The following SGK1 variants were observed in gnomAD, a reference collection of about 807,000 sequenced individuals.
SGK1 encodes serum/glucocorticoid regulated kinase 1.
In SGK1, 26 loss-of-function variants were observed where a neutral mutation model predicts 64.2. That is an observed-to-expected ratio of 0.40 (90% CI 0.30 to 0.56). The LOEUF is 0.56. SGK1 is among the 20% of genes least tolerant of loss of function. The pLI is 0.38. For missense variants in SGK1, 519 were observed against 645.6 expected, an observed-to-expected ratio of 0.80 and a Z score of 2.12; for synonymous variants, 265 against 239.7, an observed-to-expected ratio of 1.11 and a Z score of -0.98.
At position 134,170,273 on chromosome 6, in the gene SGK1, G is replaced by A. The variant is rs764031935; in HGVS notation, c.1576C>T (p.Leu526Phe). 4.3e-6 allele frequency: 7 copies of A among 1,611,184 alleles called. No individual in the cohort carries two copies. Among genetic ancestry groups the A allele is most frequent in the Non-Finnish European group, 4.2e-6 (5 of 1,177,760 alleles). Residue 526 changes from leucine to phenylalanine, a missense_variant, in exon 14 of 14, where the codon CTC (leucine) becomes TTC (phenylalanine). By Grantham distance (22) the Leu-to-Phe change is conservative. This residue lies in a region of SGK1 where 278 missense variants were observed against 408.7 expected (regional missense o/e 0.68). Transcript: ENST00000367858. ...AAACCAAGCCCTAACAGGGTTCAGA[G>A]GAAAGAGTCCGTGGGAGGCGCATAG... ...FSYAPPTDSF[L>F]
At chr6:134,195,411 G>T (rs769143258) in intron 3 of SGK1, among the ~76,000 whole-genome samples, 1 of 152,144 alleles carries the variant, frequency 6.6e-6, no homozygotes, top group Non-Finnish European at 1.5e-5. Flanking sequence ...CAGAGTGAGG[G>T]GCCTCTCTGT....
In SGK1 at chr6:134,170,373, G is replaced by A; in HGVS notation, c.1476C>T (p.Ser492=). Residue 492 remains serine, a synonymous_variant, in exon 14 of 14, where the codon TCC becomes TCT. Transcript: ENST00000367858. ...GGACGCTGTCAGGGGACTTGCCAAT[G>A]GAGTTGGGGACAGGCTCTTCGGTAA... ...PEFTEEPVPN[S]IGKSPDSVLV... The A allele has an allele frequency of 6.2e-7, 1 of 1,614,168 alleles. No individual in the cohort carries two copies. The highest frequency in any genetic ancestry group is 8.5e-7 in the Non-Finnish European group (1 of 1,179,992).
At chr6:134,174,868 C>T in intron 3 of SGK1, 1 of 1,609,574 alleles carries the variant, frequency 6.2e-7, no homozygotes, top group Admixed American at 1.7e-5. Context: ...GTATGCTGCG[C>T]CAGGCCGCGC....
intron 1 of SGK1, among the ~76,000 whole-genome samples, chr6:134,282,188 T>G (rs1199440650): frequency 6.6e-6 from 1 of 152,116 alleles, no homozygotes; most frequent in African/African-American, 2.4e-5. Flanking sequence ...ATTTATTTAT[T>G]TATTTTGAGA....
intron 2 of SGK1, among the ~76,000 whole-genome samples, chr6:134,238,363 C>A (rs181997953): frequency 1.3e-5 from 2 of 152,102 alleles, no homozygotes; most frequent in Non-Finnish European, 2.9e-5. Flanking sequence ...TTTTAAGAGG[C>A]CTATTAGCAT....
intron 11 of SGK1, 55 bp from the exon 12 acceptor site, chr6:134,171,233 A>G (rs1042795773): frequency 8.0e-6 from 12 of 1,501,670 alleles, no homozygotes; most frequent in African/African-American, 6.9e-5. Flanking sequence ...TATGGCACAC[A>G]TTACCAGTAG....
At chr6:134,240,051 G>T (rs77338016) in intron 2 of SGK1, among the ~76,000 whole-genome samples, 1 of 152,120 alleles carries the variant, frequency 6.6e-6, no homozygotes, top group African/African-American at 2.4e-5. Context: ...CAGCACGTTG[G>T]GGGGCCATGA....
intron 3 of SGK1, among the ~76,000 whole-genome samples, chr6:134,188,220 T>A (rs1197708650): frequency 1.2e-4 from 18 of 146,048 alleles, no homozygotes; most frequent in Non-Finnish European, 2.6e-4. Flanking sequence ...TATCTTTACC[T>A]TTTTTTTTTT....
rs780238373 is a variant in SGK1, at chr6:134,171,658, C to T, written c.1146G>A (p.Leu382=). 4 of 1,613,774 alleles carry T rather than the reference C, an allele frequency of 2.5e-6. No individual in the cohort carries two copies. Among genetic ancestry groups the T allele is most frequent in the Admixed American group, 1.7e-5 (1 of 60,018 alleles). The change falls in exon 11 of 14, where the codon TTG becomes TTA. Residue 382 remains leucine, a synonymous_variant. Transcript: ENST00000367858. The part of the protein sequence containing the change: ...TVDWWCLGAV[L]YEMLYGLPPF... ...TCACCAGGCCATACAGCATCTCATA[C>T]AAGACAGCTCCCAGGCACCACCAGT...
chr6:134,299,803 CTTTTT>C (rs10637676), intron 1 of SGK1, among the ~76,000 whole-genome samples: 1 of 133,692 alleles, frequency 7.5e-6, no homozygotes. Flanking sequence ...ATCCCTGTGA[CTTTTT>C]TTTTTTTTTT....
intron 2 of SGK1, among the ~76,000 whole-genome samples, chr6:134,213,993 T>C (rs1205170904): frequency 6.6e-6 from 1 of 152,228 alleles, no homozygotes; most frequent in Admixed American, 6.5e-5. Flanking sequence ...AATATTTTGC[T>C]AATCTTATTT....
chr6:134,297,174 C>A (rs751848360), intron 1 of SGK1: 33 of 691,672 alleles, frequency 4.8e-5, no homozygotes, highest in Non-Finnish European at 8.5e-5. Context: ...TGCATAGCCG[C>A]TGGTGGTCTT....
intron 3 of SGK1, among the ~76,000 whole-genome samples, chr6:134,181,369 G>T (rs1439574684): frequency 6.6e-6 from 1 of 152,040 alleles, no homozygotes; most frequent in African/African-American, 2.4e-5. Context: ...TGAGACGGAG[G>T]AGTCTTACTC....
In SGK1 at chr6:134,174,705, G is replaced by T. The variant is rs746359084; in HGVS notation, c.362-119C>A. On this transcript the variant is annotated intron_variant, in intron 3 of 13. Coordinates refer to ENST00000367858, the MANE Select transcript of SGK1 (RefSeq NM_001143676.3). Reference sequence around the variant, plus strand: ...TTTCCACTTTGCGTCTCCTGGAGCAGAAGTCCCGCAAGATTCCTGCACTCA... The same window carrying T: ...TTTCCACTTTGCGTCTCCTGGAGCATAAGTCCCGCAAGATTCCTGCACTCA... 1.1e-5 allele frequency: 17 copies of T among 1,614,024 alleles called. No homozygotes were observed. The African/African-American group carries it at 2.0e-4, about 19-fold the overall frequency.
intron 3 of SGK1, among the ~76,000 whole-genome samples, chr6:134,183,424 G>T (rs1775362466): frequency 6.6e-6 from 1 of 152,062 alleles, no homozygotes; most frequent in East Asian, 1.9e-4. Flanking sequence ...GCTGTACTTT[G>T]TACCCATTAA....
chr6:134,272,257 C>G (rs1472217517), intron 1 of SGK1, among the ~76,000 whole-genome samples: 1 of 145,266 alleles, frequency 6.9e-6, no homozygotes, highest in Non-Finnish European at 1.5e-5. Context: ...TCTCCTGCCT[C>G]AGTCTCCTGA....
At chr6:134,295,005 G>T (rs1381878807) in intron 1 of SGK1, among the ~76,000 whole-genome samples, 3 of 152,258 alleles carry the variant, frequency 2.0e-5, no homozygotes, top group South Asian at 2.1e-4. Flanking sequence ...AAACGATTGT[G>T]GTTTTTGGCT....
intron 3 of SGK1, among the ~76,000 whole-genome samples, chr6:134,175,217 G>C (rs2114643441): frequency 6.6e-6 from 1 of 152,316 alleles, no homozygotes; most frequent in African/African-American, 2.4e-5. Context: ...GGAGAAAGCC[G>C]GGTTCGCAGC....
intron 3 of SGK1, among the ~76,000 whole-genome samples, chr6:134,203,571 T>C (rs1369732207): frequency 6.6e-6 from 1 of 152,026 alleles, no homozygotes; most frequent in Non-Finnish European, 1.5e-5. Context: ...GTCTATAAGA[T>C]AAGCACCTTA....
Sources: allele counts gnomAD v4.1 joint callset (sites outside exome capture counted in the v4.1 genomes callset), GRCh38; gene constraint gnomAD v4.1.1; regional missense constraint gnomAD v4.1.1; transcripts MANE v1.5; gene names NCBI Gene and HGNC (gene_info 2026-07-23, HGNC 2026-07-21).